Variants in SLC5A1 observed in about 807,000 individuals in gnomAD.
SLC5A1 encodes solute carrier family 5 member 1.
Under a neutral mutation model 73.5 loss-of-function variants are expected in SLC5A1, and 42 were observed. The ratio of observed to expected loss-of-function variants is 0.57; its 90% CI spans 0.45 to 0.74. The LOEUF (loss-of-function observed/expected upper bound fraction) is 0.74. Ranked by LOEUF, SLC5A1 falls within the 30% of genes least tolerant of loss-of-function variation. The pLI, the probability that SLC5A1 is intolerant of heterozygous loss-of-function variation, is 0.00. For synonymous variants in SLC5A1, 300 were observed against 317.4 expected, an observed-to-expected ratio of 0.95 and a Z score of 0.58; for missense variants, 634 against 855.4, an observed-to-expected ratio of 0.74 and a Z score of 3.23.
intron 14 of SLC5A1, among the ~76,000 whole-genome samples, chr22:32,106,602 TG>T (rs1409662717): frequency 6.6e-6 from 1 of 152,228 alleles, no homozygotes; most frequent in African/African-American, 2.4e-5. Flanking sequence ...TAGAAGCCCT[TG>T]GGATCTTATG....
intron 11 of SLC5A1, among the ~76,000 whole-genome samples, chr22:32,092,650 G>T (rs1332766877): frequency 1.3e-5 from 2 of 151,970 alleles, no homozygotes; most frequent in African/African-American, 4.8e-5. Context: ...TTGGAGTAAG[G>T]TGATTATTTT....
intron 12 of SLC5A1, among the ~76,000 whole-genome samples, 160 bp downstream of exon 12, chr22:32,099,511 G>C (rs1415073559): frequency 6.6e-6 from 1 of 151,062 alleles, no homozygotes; most frequent in Non-Finnish European, 1.5e-5. Flanking sequence ...GGGACCATGG[G>C]GCTCTCTGTT....
At chr22:32,106,115 C>T (rs866888770) in intron 14 of SLC5A1, among the ~76,000 whole-genome samples, 2 of 152,196 alleles carry the variant, frequency 1.3e-5, no homozygotes, top group Non-Finnish European at 2.9e-5. Flanking sequence ...AGTGGGATTA[C>T]TGAATTATAT....
At chr22:32,108,668 A>AC (rs1470270927) in intron 14 of SLC5A1, among the ~76,000 whole-genome samples, 1 of 152,250 alleles carries the variant, frequency 6.6e-6, no homozygotes, top group African/African-American at 2.4e-5. Context: ...GAGAGGCTCT[A>AC]CCCCAATAAG....
In SLC5A1 at chr22:32,070,458, G is replaced by A. The variant is rs2093981250; in HGVS notation, c.477+1858G>A. ...AGCGATCCTTCCACCTCAGCCTCTT[G>A]TGTAGCTGGGGCTACAGGTGTGTTC... On this transcript the variant is annotated intron_variant, in intron 5 of 14. Coordinates refer to ENST00000266088, the MANE Select transcript of SLC5A1 (RefSeq NM_000343.4). Among the ~76,000 whole-genome samples the A allele has an allele frequency of 3.3e-5, 5 of 151,454 alleles. No homozygotes were observed. In the South Asian group the frequency reaches 1.0e-3, roughly 32 times the overall value.
chr22:32,105,309 T>C (rs1243316490), intron 14 of SLC5A1, among the ~76,000 whole-genome samples: 1 of 149,650 alleles, frequency 6.7e-6, no homozygotes, highest in Non-Finnish European at 1.5e-5. Context: ...TTTTTTTTTT[T>C]TGAGACCGAG....
intron 2 of SLC5A1, 41 bp downstream of exon 2, chr22:32,050,055 T>G: frequency 6.6e-7 from 1 of 1,510,406 alleles, no homozygotes; most frequent in Non-Finnish European, 9.2e-7. Context: ...ACTGCTTAAC[T>G]GATACTCCCT....
At chr22:32,065,850 C>T (rs1186201651) in intron 2 of SLC5A1, among the ~76,000 whole-genome samples, 1 of 151,588 alleles carries the variant, frequency 6.6e-6, no homozygotes, top group East Asian at 1.9e-4. Context: ...AGTTTCTTGG[C>T]ATAATCTCTT....
At chr22:32,047,576 A>G (rs1465640202) in intron 1 of SLC5A1, among the ~76,000 whole-genome samples, 1 of 152,200 alleles carries the variant, frequency 6.6e-6, no homozygotes, top group African/African-American at 2.4e-5. Context: ...GAGCCCTGCC[A>G]GGAGTCCAGA....
chr22:32,081,828 C>T, intron 5 of SLC5A1, 38 bp from the exon 6 acceptor site: 1 of 1,370,570 alleles, frequency 7.3e-7, no homozygotes. Context: ...GGCAGCTGAC[C>T]ACTCTCCCTC....
At chr22:32,091,394 G>A (rs2094017363) in intron 10 of SLC5A1, among the ~76,000 whole-genome samples, 1 of 151,456 alleles carries the variant, frequency 6.6e-6, no homozygotes, top group Non-Finnish European at 1.5e-5. Flanking sequence ...CAAGTATGTT[G>A]TGTCTCTGGC....
At chr22:32,086,650 A>T (rs185986133) in intron 10 of SLC5A1, among the ~76,000 whole-genome samples, 6 of 152,266 alleles carry the variant, frequency 3.9e-5, no homozygotes, top group Admixed American at 2.0e-4. Context: ...CCAACAGTGG[A>T]TGTAAATTAG....
chr22:32,074,928 G>A (rs1218792295), intron 5 of SLC5A1, among the ~76,000 whole-genome samples: 1 of 152,054 alleles, frequency 6.6e-6, no homozygotes, highest in Non-Finnish European at 1.5e-5. Context: ...ATAGGGTATT[G>A]CTCTGTTGCC....
chr22:32,068,296 A>G lies in SLC5A1; in HGVS notation c.373-200A>G, dbSNP rs183031869. ...AACACCTAGCTACTCCTACAGTGGT[A>G]GGGCATATGGGATTAAAATGAGCAA... On this transcript the variant is annotated intron_variant, in intron 4 of 14. Coordinates refer to ENST00000266088, the MANE Select transcript of SLC5A1 (RefSeq NM_000343.4). Among the ~76,000 whole-genome samples the G allele has an allele frequency of 4.2e-4, 64 of 152,298 alleles. No homozygotes were observed. In the East Asian group the frequency reaches 0.011, roughly 25 times the overall value.
chr22:32,057,502 G>A (rs1311142528), intron 2 of SLC5A1, among the ~76,000 whole-genome samples: 4 of 152,142 alleles, frequency 2.6e-5, no homozygotes, highest in Non-Finnish European at 2.9e-5. Context: ...CTGGATTCAA[G>A]TGATCCTCCT....
intron 6 of SLC5A1, 121 bp from the exon 7 acceptor site, chr22:32,082,953 A>C: frequency 2.4e-6 from 2 of 850,056 alleles, no homozygotes; most frequent in Non-Finnish European, 2.0e-6. Context: ...GAGGCAGGCA[A>C]ACCACTGTGG....
At position 32,086,265 on chromosome 22, in the gene SLC5A1, G is replaced by A. The variant is rs1198376285; in HGVS notation, c.1067G>A (p.Gly356Asp). 6 of 1,614,054 alleles carry A rather than the reference G, an allele frequency of 3.7e-6. No individual in the cohort carries two copies. The highest frequency in any genetic ancestry group is 3.4e-6 in the Non-Finnish European group (4 of 1,179,942). ...CCTTCAGAATGTGAGAAATATTGCG[G>A]TACCAAGGTTGGCTGTACCAACATC... Reference protein sequence around the residue: ...VVPSECEKYCGTKVGCTNIAY... With the variant: ...VVPSECEKYCDTKVGCTNIAY... The change falls in exon 10 of 15, where the codon GGT becomes GAT. Residue 356 changes from glycine (G) to aspartate (D), a missense_variant. By Grantham distance (94) the Gly-to-Asp change is moderately conservative (BLOSUM62 -1). Coordinates refer to ENST00000266088, the MANE Select transcript of SLC5A1 (RefSeq NM_000343.4).
chr22:32,055,487 G>A (rs1010446139), intron 2 of SLC5A1, among the ~76,000 whole-genome samples: 10 of 152,164 alleles, frequency 6.6e-5, no homozygotes, highest in Non-Finnish European at 1.3e-4. Context: ...GTTCCTAGAA[G>A]GTGAAGAAGG....
chr22:32,101,936 C>T, intron 12 of SLC5A1, 86 bp from the exon 13 acceptor site: 1 of 1,034,810 alleles, frequency 9.7e-7, no homozygotes, highest in South Asian at 1.3e-5. Flanking sequence ...GTTCCTTTGC[C>T]TCTGCCTATG....
Sources: allele counts gnomAD v4.1 joint callset (sites outside exome capture counted in the v4.1 genomes callset), GRCh38; gene constraint gnomAD v4.1.1; transcripts MANE v1.5; gene names NCBI Gene and HGNC (gene_info 2026-07-23, HGNC 2026-07-21).